CPEB3: variants seen among roughly 807,000 people sequenced by gnomAD.
CPEB3 encodes cytoplasmic polyadenylation element binding protein 3, also known as cytoplasmic polyadenylation element-binding protein 3.
In CPEB3, 20 loss-of-function variants were observed where a neutral mutation model predicts 67.2. The ratio of observed to expected loss-of-function variants is 0.30; its 90% CI spans 0.21 to 0.43. CPEB3 has a LOEUF of 0.43. CPEB3 is among the 20% of genes least tolerant of loss of function. The pLI is 1.00. For synonymous variants in CPEB3, 376 were observed against 393.1 expected (o/e 0.96, Z 0.51); for missense variants, 746 against 968.6 (o/e 0.77, Z 3.05).
intron 4 of CPEB3, among the ~76,000 whole-genome samples, chr10:92,174,624 C>T (rs541473868): frequency 6.6e-6 from 1 of 152,170 alleles, no homozygotes; most frequent in Admixed American, 6.5e-5. Flanking sequence ...AGTCTTCAAA[C>T]TACTTAGGTT....
At chr10:92,068,411 C>A (rs1001742348) in intron 9 of CPEB3, among the ~76,000 whole-genome samples, 1 of 152,174 alleles carries the variant, frequency 6.6e-6, no homozygotes, top group African/African-American at 2.4e-5. Flanking sequence ...GCAGAGCACC[C>A]TGGCTATAAC....
intron 9 of CPEB3, among the ~76,000 whole-genome samples, chr10:92,069,939 T>C (rs999037165): frequency 1.3e-5 from 2 of 152,174 alleles, no homozygotes; most frequent in African/African-American, 2.4e-5. Flanking sequence ...ACAATGTCAA[T>C]GCCCCACTAC....
intron 3 of CPEB3, among the ~76,000 whole-genome samples, chr10:92,190,789 C>T (rs1186234897): frequency 1.3e-5 from 2 of 151,472 alleles, no homozygotes; most frequent in Admixed American, 1.3e-4. Flanking sequence ...GCCTACCATC[C>T]TTCTCTTAAA....
intron 6 of CPEB3, among the ~76,000 whole-genome samples, chr10:92,142,487 T>C (rs542872507): frequency 6.6e-6 from 1 of 152,318 alleles, no homozygotes; most frequent in South Asian, 2.1e-4. Flanking sequence ...AATTATCAAA[T>C]GAGCCTCCCC....
At chr10:92,205,659 T>C (rs1849752882) in intron 2 of CPEB3, among the ~76,000 whole-genome samples, 1 of 151,832 alleles carries the variant, frequency 6.6e-6, no homozygotes, top group African/African-American at 2.4e-5. Flanking sequence ...GTATTTTTAG[T>C]AGAGACAGGA....
Position 92,240,050 on chromosome 10 carries a change from C to T in CPEB3, c.301G>A (p.Ala101Thr). 1 of 1,594,604 alleles carries T rather than the reference C, an allele frequency of 6.3e-7. No homozygotes were observed. Among genetic ancestry groups the T allele is most frequent in the East Asian group, 2.3e-5 (1 of 43,966 alleles). Residue 101 changes from alanine to threonine, a missense_variant, in exon 2 of 10, where the codon GCG becomes ACG. Around this residue, in one of 2 missense-constraint regions of CPEB3, gnomAD observed 643 missense variants for 717.5 expected, o/e 0.90. Transcript: ENST00000265997. Reference protein sequence around the residue: ...PPPQEPAAPGASLSPSFGSTW... With the variant: ...PPPQEPAAPGTSLSPSFGSTW... ...CTGCCGAAGGACGGCGACAGCGACGCGCCCGGTGCCGCGGGCTCCTGAGGC... is the reference window on the plus strand; with the variant it reads ...CTGCCGAAGGACGGCGACAGCGACGTGCCCGGTGCCGCGGGCTCCTGAGGC...
chr10:92,215,434 G>A (rs1850312149), intron 2 of CPEB3, among the ~76,000 whole-genome samples: 2 of 150,490 alleles, frequency 1.3e-5, no homozygotes, highest in Admixed American at 1.3e-4. Context: ...TTACAGGCAT[G>A]AGTCACTGCA....
intron 1 of CPEB3, among the ~76,000 whole-genome samples, chr10:92,273,640 G>A (rs1424732266): frequency 6.6e-6 from 1 of 152,044 alleles, no homozygotes; most frequent in Non-Finnish European, 1.5e-5. Context: ...ATAAAATGGA[G>A]GTAAACATTT....
intron 1 of CPEB3, among the ~76,000 whole-genome samples, chr10:92,280,670 AAC>A (rs1187392304): frequency 6.7e-6 from 1 of 149,558 alleles, no homozygotes; most frequent in Non-Finnish European, 1.5e-5. Context: ...AAAAAAAAAA[AAC>A]CAAACAAACA....
At chr10:92,269,789 C>T (rs1229909896) in intron 1 of CPEB3, among the ~76,000 whole-genome samples, 1 of 152,100 alleles carries the variant, frequency 6.6e-6, no homozygotes, top group Admixed American at 6.6e-5. Context: ...AACTCCTGAC[C>T]TCAGGTGATC....
At chr10:92,277,814 G>A (rs1039268884) in intron 1 of CPEB3, among the ~76,000 whole-genome samples, 4 of 151,806 alleles carry the variant, frequency 2.6e-5, no homozygotes, top group African/African-American at 7.3e-5. Context: ...TCGCTTGAAC[G>A]CGGGAGGTGG....
chr10:92,216,008 A>C (rs1850362511), intron 2 of CPEB3, among the ~76,000 whole-genome samples: 1 of 146,084 alleles, frequency 6.8e-6, no homozygotes, highest in Non-Finnish European at 1.5e-5. Context: ...TCGGCCTCCC[A>C]AAGTGTTGGG....
At chr10:92,199,243 T>C (rs1564858772) in intron 2 of CPEB3, among the ~76,000 whole-genome samples, 1 of 151,026 alleles carries the variant, frequency 6.6e-6, no homozygotes, top group African/African-American at 2.4e-5. Flanking sequence ...AATCCAAAAT[T>C]AGTCAGGCAT....
chr10:92,130,827 G>A (rs1381915639), intron 6 of CPEB3, among the ~76,000 whole-genome samples: 2 of 152,098 alleles, frequency 1.3e-5, no homozygotes, highest in African/African-American at 2.4e-5. Context: ...ATCTGAGAAA[G>A]GCTAAAGGGC....
intron 7 of CPEB3, among the ~76,000 whole-genome samples, chr10:92,102,343 A>T (rs930048134): frequency 2.6e-5 from 4 of 152,186 alleles, no homozygotes; most frequent in African/African-American, 9.7e-5. Context: ...CTCCAAGTAG[A>T]AATAGAAAAT....
intron 4 of CPEB3, among the ~76,000 whole-genome samples, chr10:92,168,206 A>G (rs1847834653): frequency 6.6e-6 from 1 of 152,200 alleles, no homozygotes. Flanking sequence ...GAAACATAAG[A>G]AAATATATCC....
intron 1 of CPEB3, among the ~76,000 whole-genome samples, chr10:92,250,688 A>ATT (rs1852254693): frequency 6.6e-6 from 1 of 151,012 alleles, no homozygotes; most frequent in Non-Finnish European, 1.5e-5. Context: ...CCTTTATACC[A>ATT]TTTTTTGTTT....
intron 6 of CPEB3, among the ~76,000 whole-genome samples, chr10:92,142,274 T>G (rs1251414764): frequency 3.3e-5 from 5 of 152,300 alleles, no homozygotes; most frequent in East Asian, 3.9e-4. Flanking sequence ...TACACAATAA[T>G]ACGTATCAAA....
intron 6 of CPEB3, among the ~76,000 whole-genome samples, chr10:92,141,941 C>T (rs1180425870): frequency 2.0e-5 from 3 of 150,810 alleles, no homozygotes; most frequent in Non-Finnish European, 3.0e-5. Flanking sequence ...TGGCGTGAAT[C>T]CAGGAGGCGG....
Sources: gnomAD v4.1 joint callset for allele counts (sites outside exome capture counted in the v4.1 genomes callset) on GRCh38, gnomAD v4.1.1 for gene constraint, gnomAD v4.1.1 regional missense constraint, MANE v1.5 for transcripts, NCBI Gene and HGNC (gene_info 2026-07-23, HGNC 2026-07-21) for gene names.